TSGA10: variants seen among roughly 807,000 people sequenced by gnomAD.
TSGA10 encodes testis specific 10, also known as testis-specific gene 10 protein.
A neutral mutation model predicts 96.6 loss-of-function variants in TSGA10; 43 were observed. The observed-to-expected ratio is 0.44, with a 90% CI of 0.35 to 0.57. The LOEUF (loss-of-function observed/expected upper bound fraction) is 0.57, where lower values mean the gene tolerates loss of function less well. Ranked by LOEUF, TSGA10 falls within the 20% of genes least tolerant of loss-of-function variation. TSGA10 has a pLI of 0.01. For synonymous variants in TSGA10, 229 were observed against 269.9 expected (o/e 0.85, Z 1.48); for missense variants, 703 against 834.4 (o/e 0.84, Z 1.94).
In TSGA10 at chr2:99,042,991, T is replaced by G. The variant is rs530625175; in HGVS notation, c.1405-7552A>C. On this transcript the variant is annotated intron_variant, in intron 16 of 20. Transcript: ENST00000393483. ...TGGGATTACAGGGATGAGGCCACCA[T>G]GCCTGGCCCCATTCTTTATTTTGTA... Among the ~76,000 whole-genome samples the G allele has an allele frequency of 2.6e-4, 39 of 152,178 alleles. No individual in the cohort carries two copies. In the South Asian group the frequency reaches 7.9e-3, roughly 31 times the overall value.
intron 17 of TSGA10, among the ~76,000 whole-genome samples, chr2:99,026,665 T>C (rs904856834): frequency 6.6e-6 from 1 of 151,978 alleles, no homozygotes; most frequent in Admixed American, 6.6e-5. Flanking sequence ...CCTCGTGATC[T>C]GCCCGCCTCA....
At chr2:99,072,579 C>T (rs574761074) in intron 13 of TSGA10, among the ~76,000 whole-genome samples, 1 of 152,192 alleles carries the variant, frequency 6.6e-6, no homozygotes, top group Non-Finnish European at 1.5e-5. Flanking sequence ...TTTATCACCA[C>T]CTCTTCTGCT....
In TSGA10 at chr2:99,071,584, T is replaced by A. The variant is rs188966891; in HGVS notation, c.1107+122A>T. The stretch of plus-strand genomic sequence containing the variant: ...TTATGTGGCCTATTTTGTTATTTTT[T>A]AAAAAAAAGAAAAGGCTAGTTCCAG... On this transcript the variant is annotated intron_variant, in intron 14 of 20. Transcript: ENST00000393483. 2.5e-3 allele frequency: 2,149 copies of A among 868,848 alleles called. 20 individuals are homozygous for A. The highest frequency in any genetic ancestry group is 0.023 in the African/African-American group (1,321 of 58,104). 53.8% of individuals were successfully genotyped at this position (868,848 alleles called of 1,614,324 possible). A position where few individuals can be genotyped will look rare whatever the true frequency, so the allele number is the denominator to read the frequency against.
intron 4 of TSGA10, among the ~76,000 whole-genome samples, chr2:99,113,414 A>G (rs572264219): frequency 6.6e-6 from 1 of 152,296 alleles, no homozygotes; most frequent in South Asian, 2.1e-4. Context: ...CAAAGAATAC[A>G]TGAAGCAACC....
intron 1 of TSGA10, among the ~76,000 whole-genome samples, chr2:99,134,236 T>C (rs1444293336): frequency 6.6e-6 from 1 of 152,176 alleles, no homozygotes; most frequent in Non-Finnish European, 1.5e-5. Flanking sequence ...GTAGGTCTGG[T>C]CTTTTCACAT....
At chr2:99,145,320 G>A (rs1211999741) in intron 1 of TSGA10, among the ~76,000 whole-genome samples, 1 of 152,130 alleles carries the variant, frequency 6.6e-6, no homozygotes, top group Non-Finnish European at 1.5e-5. Flanking sequence ...CATTTTGGGA[G>A]GCCAAGGCAG....
chr2:99,027,791 C>A (rs2105016037), intron 17 of TSGA10, among the ~76,000 whole-genome samples: 1 of 152,204 alleles, frequency 6.6e-6, no homozygotes, highest in African/African-American at 2.4e-5. Flanking sequence ...AAGACAGTTT[C>A]TTTTGTTTGC....
intron 14 of TSGA10, among the ~76,000 whole-genome samples, chr2:99,069,847 T>G (rs552916376): frequency 4.6e-5 from 7 of 152,134 alleles, no homozygotes; most frequent in Admixed American, 3.9e-4. Context: ...ATTACATACC[T>G]GTGAGAAATG....
intron 20 of TSGA10, among the ~76,000 whole-genome samples, chr2:99,012,553 T>C (rs1303405075): frequency 6.6e-6 from 1 of 151,936 alleles, no homozygotes; most frequent in Non-Finnish European, 1.5e-5. Context: ...AAAACAGACT[T>C]TAAAGCAACA....
At chr2:99,047,477 A>C (rs1410521040) in intron 16 of TSGA10, among the ~76,000 whole-genome samples, 1 of 152,220 alleles carries the variant, frequency 6.6e-6, no homozygotes, top group African/African-American at 2.4e-5. Flanking sequence ...CAAAAACCAC[A>C]TGATTATCTC....
chr2:99,009,047 T>C (rs2078760112), intron 20 of TSGA10, among the ~76,000 whole-genome samples: 1 of 152,152 alleles, frequency 6.6e-6, no homozygotes, highest in Non-Finnish European at 1.5e-5. Flanking sequence ...AAAGTGACAC[T>C]TCTCTTAGTA....
chr2:99,130,529 T>C (rs2093029083), intron 1 of TSGA10, among the ~76,000 whole-genome samples: 1 of 152,212 alleles, frequency 6.6e-6, no homozygotes, highest in African/African-American at 2.4e-5. Flanking sequence ...ATATTAACCT[T>C]TTGTCAGATG....
At chr2:99,027,369 G>A (rs2080709997) in intron 17 of TSGA10, among the ~76,000 whole-genome samples, 2 of 152,196 alleles carry the variant, frequency 1.3e-5, no homozygotes, top group South Asian at 4.1e-4. Flanking sequence ...TAGAAACAGA[G>A]AGTAGAATGG....
At chr2:99,000,722 G>A (rs961274531) in intron 20 of TSGA10, among the ~76,000 whole-genome samples, 3 of 152,248 alleles carry the variant, frequency 2.0e-5, no homozygotes, top group African/African-American at 4.8e-5. Context: ...CCTGGGAAGC[G>A]CAAGGGGTCG....
At chr2:99,085,274 A>G (rs1435878514) in intron 10 of TSGA10, among the ~76,000 whole-genome samples, 5 of 151,836 alleles carry the variant, frequency 3.3e-5, no homozygotes, top group African/African-American at 1.2e-4. Flanking sequence ...TAATTTAAAA[A>G]ATGCATCCAA....
In TSGA10 at chr2:99,002,761, C is replaced by CA. The variant is rs2078053257; in HGVS notation, c.2073-4541dup. ...GACCCACCTCACATGCAGAGACACA[C>CA]ATAGGCTCAAAATAAAGGGATGGAG... On this transcript the variant is annotated intron_variant, in intron 20 of 20. Coordinates refer to ENST00000393483, the MANE Select transcript of TSGA10 (RefSeq NM_025244.4). Among the ~76,000 whole-genome samples, 5 of 151,984 alleles carry CA rather than the reference C, an allele frequency of 3.3e-5. No individual in the cohort carries two copies. In the South Asian group the frequency reaches 1.0e-3, roughly 32 times the overall value.
intron 1 of TSGA10, 99 bp from the exon 2 acceptor site, chr2:99,127,275 AT>A (rs772847363): frequency 7.1e-5 from 71 of 1,002,008 alleles, no homozygotes; most frequent in East Asian, 1.5e-4. Context: ...ATATTCTTAG[AT>A]TTTTTTTAAC....
intron 16 of TSGA10, among the ~76,000 whole-genome samples, chr2:99,044,897 C>T (rs1231519473): frequency 2.0e-5 from 3 of 152,158 alleles, no homozygotes; most frequent in Non-Finnish European, 2.9e-5. Flanking sequence ...CGCACAACTA[C>T]ATGGAAACTG....
chr2:99,001,977 G>A (rs1266508251), intron 20 of TSGA10, among the ~76,000 whole-genome samples: 1 of 152,162 alleles, frequency 6.6e-6, no homozygotes, highest in African/African-American at 2.4e-5. Context: ...CAAGAAATAT[G>A]GGACTATGTG....
Sources: gnomAD v4.1 joint callset for allele counts (sites outside exome capture counted in the v4.1 genomes callset) on GRCh38, gnomAD v4.1.1 for gene constraint, MANE v1.5 for transcripts, NCBI Gene and HGNC (gene_info 2026-07-23, HGNC 2026-07-21) for gene names.